The following NRXN3 variants were observed in gnomAD, a reference collection of about 807,000 sequenced individuals.
NRXN3 encodes neurexin III.
Under a neutral mutation model 137.6 loss-of-function variants are expected in NRXN3, and 32 were observed. That is an observed-to-expected ratio of 0.23 (90% confidence interval 0.18 to 0.31). The LOEUF is 0.31. Ranked by LOEUF, NRXN3 falls within the 10% of genes least tolerant of loss-of-function variation. The pLI is 1.00. For missense variants in NRXN3, 1,574 were observed against 2,062.5 expected (o/e 0.76, Z 4.59); for synonymous variants, 798 against 784.5 (o/e 1.02, Z -0.29).
rs1413559430 is a variant in NRXN3, at chr14:79,610,290, G to A, written c.3445-53488G>A. Among the ~76,000 whole-genome samples, 3 of 152,178 alleles carry A rather than the reference G, an allele frequency of 2.0e-5. No homozygotes were observed. The East Asian group carries it at 5.8e-4, about 29-fold the overall frequency. ...ACATTGTTATCTGGGTTCATTACTT[G>A]TTAGAAAGTAATGTGAAGCACTTAA... On this transcript the variant is annotated intron_variant, in intron 16 of 20. Transcript: ENST00000335750.
chr14:78,865,690 A>C (rs942953293), intron 10 of NRXN3, among the ~76,000 whole-genome samples: 3 of 152,164 alleles, frequency 2.0e-5, no homozygotes, highest in South Asian at 2.1e-4. Flanking sequence ...AAATTTATTA[A>C]AGTGAATATC....
At chr14:78,403,897 CT>C (rs753799773) in intron 4 of NRXN3, 1 of 983,232 alleles carries the variant, frequency 1.0e-6, no homozygotes. Context: ...TTCGGCTCAC[CT>C]TTAAAAAGAA....
At chr14:79,174,669 C>A (rs2062129943) in intron 15 of NRXN3, among the ~76,000 whole-genome samples, 1 of 150,144 alleles carries the variant, frequency 6.7e-6, no homozygotes, top group Non-Finnish European at 1.5e-5. Context: ...AGTAAATGTT[C>A]ACTAATAGAA....
chr14:79,722,611 C>A (rs145806393), intron 19 of NRXN3, among the ~76,000 whole-genome samples: 4 of 152,260 alleles, frequency 2.6e-5, no homozygotes, highest in African/African-American at 9.6e-5. Context: ...TTCTAAAATG[C>A]CAATCTCAGA....
chr14:79,715,005 G>A (rs1409805552), intron 19 of NRXN3, among the ~76,000 whole-genome samples: 1 of 152,056 alleles, frequency 6.6e-6, no homozygotes, highest in African/African-American at 2.4e-5. Flanking sequence ...CCAGGCTGGA[G>A]GGCAGTGGCG....
chr14:79,307,645 TG>T (rs1246751475), intron 15 of NRXN3, among the ~76,000 whole-genome samples: 1 of 152,166 alleles, frequency 6.6e-6, no homozygotes, highest in Admixed American at 6.5e-5. Flanking sequence ...TTCACTCACA[TG>T]CCTGGCAAGT....
intron 4 of NRXN3, among the ~76,000 whole-genome samples, chr14:78,416,857 T>C (rs2093167726): frequency 6.6e-6 from 1 of 152,202 alleles, no homozygotes. Flanking sequence ...TGCCAAACTT[T>C]ACTCCAGTGG....
intron 8 of NRXN3, 140 bp downstream of exon 8, chr14:78,715,279 T>A: frequency 9.2e-7 from 1 of 1,084,098 alleles, no homozygotes; most frequent in Non-Finnish European, 1.3e-6. Context: ...ATTTCCAGAT[T>A]GCACCCTTTC....
intron 16 of NRXN3, among the ~76,000 whole-genome samples, chr14:79,556,612 G>C (rs2097432210): frequency 6.6e-6 from 1 of 152,130 alleles, no homozygotes; most frequent in South Asian, 2.1e-4. Flanking sequence ...CTAGAGTGTA[G>C]TGATGCAATC....
intron 15 of NRXN3, among the ~76,000 whole-genome samples, chr14:79,262,580 TAAC>T (rs1163111683): frequency 3.3e-5 from 5 of 151,632 alleles, no homozygotes; most frequent in Admixed American, 1.3e-4. Flanking sequence ...AGAAGAAGAA[TAAC>T]AAGAAGGAGA....
intron 11 of NRXN3, among the ~76,000 whole-genome samples, chr14:78,962,788 A>G (rs531421750): frequency 6.6e-6 from 1 of 151,808 alleles, no homozygotes; most frequent in African/African-American, 2.4e-5. Context: ...ATGTCGACTC[A>G]CTGCAGCCTC....
chr14:79,212,993 C>A (rs944047534), intron 15 of NRXN3, among the ~76,000 whole-genome samples: 2 of 151,942 alleles, frequency 1.3e-5, no homozygotes, highest in Non-Finnish European at 2.9e-5. Flanking sequence ...GGAGATTGGG[C>A]AAATTGGCTG....
intron 16 of NRXN3, among the ~76,000 whole-genome samples, chr14:79,568,561 TA>T (rs941024459): frequency 1.3e-5 from 2 of 152,158 alleles, no homozygotes; most frequent in African/African-American, 4.8e-5. Flanking sequence ...GGTACCAGTC[TA>T]AAAGGCCCCA....
chr14:79,841,064 G>A (rs1373097599), intron 20 of NRXN3, among the ~76,000 whole-genome samples: 1 of 152,076 alleles, frequency 6.6e-6, no homozygotes, highest in African/African-American at 2.4e-5. Context: ...ACATCTGCAG[G>A]GCTCCTCTAT....
intron 18 of NRXN3, among the ~76,000 whole-genome samples, chr14:79,696,122 T>C (rs996768822): frequency 6.6e-6 from 1 of 151,970 alleles, no homozygotes; most frequent in African/African-American, 2.4e-5. Flanking sequence ...TCCATTTCTT[T>C]CATTGTTATA....
intron 8 of NRXN3, among the ~76,000 whole-genome samples, chr14:78,791,466 C>T (rs1333032824): frequency 6.6e-6 from 1 of 152,044 alleles, no homozygotes; most frequent in African/African-American, 2.4e-5. Flanking sequence ...GCCTGCTAGC[C>T]CCACCTATGT....
chr14:79,070,080 T>C (rs1200119476), intron 15 of NRXN3, among the ~76,000 whole-genome samples: 1 of 152,190 alleles, frequency 6.6e-6, no homozygotes, highest in East Asian at 1.9e-4. Context: ...GAAACCAATG[T>C]CACATCAAAT....
intron 16 of NRXN3, among the ~76,000 whole-genome samples, chr14:79,661,392 TC>T (rs2098532766): frequency 1.3e-5 from 2 of 152,282 alleles, no homozygotes; most frequent in African/African-American, 4.8e-5. Flanking sequence ...GGTTGATCAT[TC>T]TATATTCCTC....
In NRXN3 at chr14:78,933,611, A is replaced by G. The variant is rs543903289; in HGVS notation, c.2276-23631A>G. Among the ~76,000 whole-genome samples, 396 of 152,346 alleles carry G rather than the reference A, an allele frequency of 2.6e-3. 2 individuals carry two copies. Among genetic ancestry groups the G allele is most frequent in the African/African-American group, 8.8e-3 (367 of 41,580 alleles). ...TACAACATGATGCTTCGAAGTGTCA[A>G]TAATCAAATGGTTAAATCTAGCTAA... On this transcript the variant is annotated intron_variant, in intron 10 of 20. Transcript: ENST00000335750.
Sources: allele counts gnomAD v4.1 joint callset (sites outside exome capture counted in the v4.1 genomes callset), GRCh38; gene constraint gnomAD v4.1.1; transcripts MANE v1.5; gene names NCBI Gene and HGNC (gene_info 2026-07-23, HGNC 2026-07-21).